Variants in LAMA3 observed in about 807,000 individuals in gnomAD.
LAMA3 encodes the protein laminin subunit alpha 3, also known as laminin subunit alpha-3.
A neutral mutation model predicts 402.0 loss-of-function variants in LAMA3; 281 were observed. The observed-to-expected ratio is 0.70, with a 90% confidence interval of 0.63 to 0.77. LAMA3 has a LOEUF of 0.77. LAMA3 is among the 30% of genes least tolerant of loss of function. The pLI is 0.00. For missense variants in LAMA3, 3,840 were observed against 4,215.5 expected (o/e 0.91, Z 2.47); for synonymous variants, 1,431 against 1,558.4 (o/e 0.92, Z 1.93).
At chr18:23,750,354 T>C (rs568564332) in intron 4 of LAMA3, among the ~76,000 whole-genome samples, 5 of 151,320 alleles carry the variant, frequency 3.3e-5, no homozygotes, top group African/African-American at 1.2e-4. Flanking sequence ...TGACAGCTCA[T>C]GAGTGGTTCA....
At position 23,884,821 on chromosome 18, in the gene LAMA3, C is replaced by A; in HGVS notation, c.5271C>A (p.Cys1757Ter). ...ATGGGGGAGACGTGCGGTGCTCCTG[C>A]AAAGCTGGGTACACAGGAACACAGT... ...VVNGGDVRCS[C>*]KAGYTGTQCE... The change falls in exon 41 of 75, where the codon TGC becomes TGA. Residue 1757 changes from cysteine to a stop codon, truncating the protein, a stop_gained. Coordinates refer to ENST00000313654, the MANE Select transcript of LAMA3 (RefSeq NM_198129.4). LOFTEE classifies it high-confidence loss of function. 3 of 1,613,686 alleles carry A rather than the reference C, an allele frequency of 1.9e-6. No individual in the cohort carries two copies. Among genetic ancestry groups the A allele is most frequent in the Non-Finnish European group, 1.7e-6 (2 of 1,179,868 alleles).
At chr18:23,950,893 AGAG>A (rs1273381558) in intron 72 of LAMA3, among the ~76,000 whole-genome samples, 2 of 152,202 alleles carry the variant, frequency 1.3e-5, no homozygotes, top group Non-Finnish European at 2.9e-5. Flanking sequence ...CTGGTTTTTC[AGAG>A]GAGGAGCTGG....
At chr18:23,842,159 A>G (rs1598899879) in intron 27 of LAMA3, among the ~76,000 whole-genome samples, 1 of 152,308 alleles carries the variant, frequency 6.6e-6, no homozygotes. Context: ...TGTTTATCCA[A>G]TCTGCAACCA....
At chr18:23,808,367 T>A (rs923114004) in intron 12 of LAMA3, among the ~76,000 whole-genome samples, 2 of 152,176 alleles carry the variant, frequency 1.3e-5, no homozygotes, top group Admixed American at 1.3e-4. Flanking sequence ...TTTGTATTAT[T>A]TTTGTTATTT....
At chr18:23,934,118 C>T (rs2145419997) in intron 67 of LAMA3, among the ~76,000 whole-genome samples, 183 bp downstream of exon 67, 1 of 152,298 alleles carries the variant, frequency 6.6e-6, no homozygotes, top group East Asian at 1.9e-4. Flanking sequence ...TTGTATTTCG[C>T]ATCTTGATGA....
At chr18:23,828,478 A>AT (rs1395804334) in intron 23 of LAMA3, among the ~76,000 whole-genome samples, 2 of 152,198 alleles carry the variant, frequency 1.3e-5, no homozygotes, top group African/African-American at 4.8e-5. Flanking sequence ...CTCCCTACAC[A>AT]TGCTATGTGT....
intron 12 of LAMA3, among the ~76,000 whole-genome samples, chr18:23,794,832 T>C (rs532692260): frequency 7.3e-4 from 111 of 152,326 alleles, no homozygotes; most frequent in African/African-American, 2.6e-3. Context: ...ATGATTTTGA[T>C]TTGTTTCTAG....
intron 24 of LAMA3, among the ~76,000 whole-genome samples, chr18:23,836,515 AAGG>A (rs1598888638): frequency 6.6e-6 from 1 of 152,330 alleles, no homozygotes; most frequent in South Asian, 2.1e-4. Context: ...AAGAAGGAAG[AAGG>A]AGGAGAACCA....
At position 23,810,219 on chromosome 18, in the gene LAMA3, T is replaced by G; in HGVS notation, c.1604-147T>G. On this transcript the variant is annotated intron_variant, in intron 12 of 74. Coordinates refer to ENST00000313654, the MANE Select transcript of LAMA3 (RefSeq NM_198129.4). ...GGCTTAGAGCAGTTGAGTGGCTTGT[T>G]TCAGGTTCCCGATCTCATAAGAAGT... The G allele has an allele frequency of 1.2e-5, 11 of 904,608 alleles. No individual in the cohort carries two copies. The South Asian group carries it at 1.6e-4, about 13-fold the overall frequency. The allele number at this position is 904,608 out of a possible 1,614,324, so 56.0% of individuals were successfully genotyped here. A position where few individuals can be genotyped will look rare whatever the true frequency, so the allele number is the denominator to read the frequency against.
At chr18:23,809,797 A>G (rs1457773604) in intron 12 of LAMA3, among the ~76,000 whole-genome samples, 3 of 152,146 alleles carry the variant, frequency 2.0e-5, no homozygotes, top group Admixed American at 2.0e-4. Flanking sequence ...TACACTAGAC[A>G]TTGAGAAAAG....
chr18:23,772,272 C>T (rs1055589401), intron 8 of LAMA3, among the ~76,000 whole-genome samples: 1 of 152,152 alleles, frequency 6.6e-6, no homozygotes, highest in African/African-American at 2.4e-5. Flanking sequence ...GAACTCCTGA[C>T]CTTGTGACCC....
chr18:23,711,970 A>T (rs879603505), intron 1 of LAMA3, among the ~76,000 whole-genome samples: 6 of 152,238 alleles, frequency 3.9e-5, no homozygotes, highest in Non-Finnish European at 8.8e-5. Flanking sequence ...ACTTTGAGGA[A>T]TAATAATTAA....
chr18:23,758,295 G>A, intron 6 of LAMA3, 101 bp from the exon 7 acceptor site: 1 of 791,620 alleles, frequency 1.3e-6, no homozygotes, highest in Non-Finnish European at 2.2e-6. Context: ...ATGGTGCCGT[G>A]GATGACCGTG....
At chr18:23,791,271 T>C (rs1480683329) in intron 12 of LAMA3, among the ~76,000 whole-genome samples, 1 of 152,182 alleles carries the variant, frequency 6.6e-6, no homozygotes, top group African/African-American at 2.4e-5. Context: ...TCCTATAATC[T>C]TTACATAACT....
At position 23,827,475 on chromosome 18, in the gene LAMA3, A is replaced by T. The variant is rs1201603979; in HGVS notation, c.2823+8A>T. The T allele has an allele frequency of 8.7e-6, 14 of 1,613,744 alleles. No homozygotes were observed. The highest frequency in any genetic ancestry group is 1.2e-5 in the Non-Finnish European group (14 of 1,180,010). On this transcript the variant is annotated splice_region_variant and intron_variant, in intron 23 of 74. Transcript: ENST00000313654. ...GACCTCAGCGGGAGAGAGGTGGGCCAGCCTTTTATTTATTATCAAAGTTAT... is the reference window on the plus strand; with the variant it reads ...GACCTCAGCGGGAGAGAGGTGGGCCTGCCTTTTATTTATTATCAAAGTTAT...
intron 2 of LAMA3, among the ~76,000 whole-genome samples, chr18:23,740,739 A>G (rs144052108): frequency 1.7e-4 from 26 of 152,238 alleles, no homozygotes; most frequent in African/African-American, 6.0e-4. Flanking sequence ...GTTTTTGACA[A>G]ACATGGAGGA....
chr18:23,814,536 A>C, intron 15 of LAMA3, 34 bp downstream of exon 15: 1 of 1,348,638 alleles, frequency 7.4e-7, no homozygotes, highest in Non-Finnish European at 1.1e-6. Flanking sequence ...TTACTATATT[A>C]TAATGTTCTC....
At chr18:23,870,556 T>G (rs1224238698) in intron 37 of LAMA3, among the ~76,000 whole-genome samples, 5 of 152,182 alleles carry the variant, frequency 3.3e-5, no homozygotes, top group Admixed American at 2.0e-4. Flanking sequence ...TGCAGCATTA[T>G]TCACAATAGC....
intron 18 of LAMA3, among the ~76,000 whole-genome samples, chr18:23,819,505 T>C (rs1189469181): frequency 6.6e-6 from 1 of 152,210 alleles, no homozygotes; most frequent in Non-Finnish European, 1.5e-5. Flanking sequence ...AATGAGTGAT[T>C]AAATAAATAA....
Sources: allele counts gnomAD v4.1 joint callset (sites outside exome capture counted in the v4.1 genomes callset), GRCh38; gene constraint gnomAD v4.1.1; transcripts MANE v1.5; gene names NCBI Gene and HGNC (gene_info 2026-07-23, HGNC 2026-07-21).